Variants in KATNAL1 observed in about 807,000 individuals in gnomAD.
KATNAL1 encodes the protein katanin catalytic subunit A1 like 1.
Under a neutral mutation model 55.2 loss-of-function variants are expected in KATNAL1, and 32 were observed. The observed-to-expected ratio is 0.58, with a 90% confidence interval of 0.44 to 0.78. The LOEUF (loss-of-function observed/expected upper bound fraction) is 0.78. KATNAL1 is among the 30% of genes least tolerant of loss of function. The pLI, the probability that KATNAL1 is intolerant of heterozygous loss-of-function variation, is 0.00. For synonymous variants in KATNAL1, 193 were observed against 193.6 expected (o/e 1.00, Z 0.02); for missense variants, 466 against 600.9 (o/e 0.78, Z 2.35).
intron 3 of KATNAL1, among the ~76,000 whole-genome samples, chr13:30,259,677 C>T (rs77770859): frequency 2.6e-5 from 4 of 152,206 alleles, no homozygotes; most frequent in African/African-American, 7.2e-5. Flanking sequence ...TCTTAAAAAA[C>T]GCGGCACCAG....
chr13:30,289,991 C>T (rs376841815), intron 1 of KATNAL1, among the ~76,000 whole-genome samples: 1 of 152,160 alleles, frequency 6.6e-6, no homozygotes, highest in South Asian at 2.1e-4. Flanking sequence ...CCACATGTCA[C>T]AAAATAGTAT....
At chr13:30,295,127 T>C (rs1882395817) in intron 1 of KATNAL1, among the ~76,000 whole-genome samples, 2 of 152,228 alleles carry the variant, frequency 1.3e-5, no homozygotes, top group Non-Finnish European at 2.9e-5. Context: ...AAAGGAGTTA[T>C]TTCAACTTTC....
chr13:30,205,146 TA>T lies in KATNAL1; in HGVS notation c.*3393del, dbSNP rs930751516. The T allele has an allele frequency of 4.6e-5, 7 of 152,202 alleles. No homozygotes were observed. Among genetic ancestry groups the T allele is most frequent in the African/African-American group, 1.2e-4 (5 of 41,456 alleles). 9.4% of individuals were successfully genotyped at this position (152,202 alleles called of 1,614,324 possible). ...ATCAGTTCTAATTTCAAAACAGATT[TA>T]AAGTGCAAAAAATAGGGGAAAAAAA... On this transcript the variant is annotated 3_prime_UTR_variant, in exon 11 of 11. Coordinates refer to ENST00000380615, the MANE Select transcript of KATNAL1 (RefSeq NM_032116.5).
At chr13:30,268,598 A>C (rs1229833898) in intron 3 of KATNAL1, among the ~76,000 whole-genome samples, 1 of 152,210 alleles carries the variant, frequency 6.6e-6, no homozygotes, top group Non-Finnish European at 1.5e-5. Flanking sequence ...ACTATTACTA[A>C]TGTCATCTTC....
chr13:30,296,208 TG>T, intron 1 of KATNAL1: 1 of 800,524 alleles, frequency 1.2e-6, no homozygotes. Flanking sequence ...ACATCCATGG[TG>T]GATGGCGCCT....
At chr13:30,214,694 T>C (rs572907951) in intron 9 of KATNAL1, among the ~76,000 whole-genome samples, 3 of 152,198 alleles carry the variant, frequency 2.0e-5, no homozygotes, top group Admixed American at 2.0e-4. Flanking sequence ...ATTTAATAAA[T>C]GGTGCTGGGA....
intron 1 of KATNAL1, among the ~76,000 whole-genome samples, chr13:30,302,032 T>A (rs1055747835): frequency 2.6e-5 from 4 of 152,130 alleles, no homozygotes; most frequent in African/African-American, 9.7e-5. Context: ...CAGCCACGCC[T>A]GGCTAATTTT....
intron 3 of KATNAL1, among the ~76,000 whole-genome samples, chr13:30,262,998 G>A (rs1879436406): frequency 6.6e-6 from 1 of 152,186 alleles, no homozygotes; most frequent in South Asian, 2.1e-4. Context: ...GAATCCAGCA[G>A]TACATCTAAA....
intron 9 of KATNAL1, among the ~76,000 whole-genome samples, chr13:30,212,108 A>G (rs1014599312): frequency 3.3e-5 from 5 of 152,238 alleles, no homozygotes; most frequent in Admixed American, 2.0e-4. Flanking sequence ...TAAGTATTTT[A>G]TAACAGAGAA....
Position 30,283,631 on chromosome 13 carries a change from T to G in KATNAL1, c.147A>C (p.Lys49Asn). The change falls in exon 2 of 11, where the codon AAA becomes AAC. Residue 49 changes from lysine (K) to asparagine (N), a missense_variant. Around this residue, in one of 3 missense-constraint regions of KATNAL1, gnomAD observed 248 missense variants for 275.5 expected, o/e 0.90. Transcript: ENST00000380615. Reference sequence around the variant, plus strand: ...ACCATCTTACCTGTTGCCATTTGCCTTTGATAGCTGGATCTCTGACTGACT... The same window carrying G: ...ACCATCTTACCTGTTGCCATTTGCCGTTGATAGCTGGATCTCTGACTGACT... Reference protein sequence around the residue: ...HCQSVRDPAIKGKWQQVRQEL... With the variant: ...HCQSVRDPAINGKWQQVRQEL... 6.2e-7 allele frequency: 1 copy of G among 1,613,856 alleles called. No homozygotes were observed. Among genetic ancestry groups the G allele is most frequent in the Admixed American group, 1.7e-5 (1 of 60,026 alleles).
chr13:30,262,875 C>G (rs570261296), intron 3 of KATNAL1, among the ~76,000 whole-genome samples: 1 of 152,086 alleles, frequency 6.6e-6, no homozygotes, highest in Admixed American at 6.5e-5. Flanking sequence ...TTTATGAGGC[C>G]AGCATCATCC....
intron 3 of KATNAL1, among the ~76,000 whole-genome samples, chr13:30,260,976 C>T (rs374328027): frequency 1.3e-5 from 2 of 151,564 alleles, no homozygotes; most frequent in Non-Finnish European, 2.9e-5. Flanking sequence ...AGAGAAAGGT[C>T]GGGTTACCCA....
intron 1 of KATNAL1, chr13:30,296,747 G>C: frequency 2.0e-6 from 1 of 509,548 alleles, no homozygotes; most frequent in Admixed American, 2.2e-5. Context: ...CTGGCCAATG[G>C]ATAGTGAGCT....
chr13:30,297,961 A>T (rs1420131156), intron 1 of KATNAL1, among the ~76,000 whole-genome samples: 7 of 152,240 alleles, frequency 4.6e-5, no homozygotes, highest in Admixed American at 4.6e-4. Flanking sequence ...AAACCTCAGC[A>T]TCATGCAATA....
At chr13:30,274,923 A>ACG (rs1566122650) in intron 3 of KATNAL1, among the ~76,000 whole-genome samples, 1 of 149,206 alleles carries the variant, frequency 6.7e-6, no homozygotes, top group African/African-American at 2.5e-5. Context: ...ACACACACAC[A>ACG]CACACACACA....
intron 10 of KATNAL1, among the ~76,000 whole-genome samples, chr13:30,209,267 C>T (rs1220125015): frequency 6.6e-6 from 1 of 152,188 alleles, no homozygotes; most frequent in East Asian, 1.9e-4. Context: ...ATCCCATGTG[C>T]AGCTCTCTTT....
intron 9 of KATNAL1, among the ~76,000 whole-genome samples, chr13:30,227,160 A>G (rs1181343346): frequency 6.6e-6 from 1 of 152,240 alleles, no homozygotes; most frequent in East Asian, 1.9e-4. Flanking sequence ...ATCCAAAAAA[A>G]CTTCAAGTTG....
chr13:30,221,767 C>T (rs1253773448), intron 9 of KATNAL1, among the ~76,000 whole-genome samples: 2 of 152,166 alleles, frequency 1.3e-5, no homozygotes, highest in African/African-American at 4.8e-5. Context: ...AAAAATTATT[C>T]TGGGACTGGC....
intron 1 of KATNAL1, among the ~76,000 whole-genome samples, chr13:30,287,357 G>C (rs577927535): frequency 6.6e-6 from 1 of 152,314 alleles, no homozygotes; most frequent in South Asian, 2.1e-4. Context: ...CATGAGATCT[G>C]ATGGGTTTAT....
Sources: gnomAD v4.1 joint callset for allele counts (sites outside exome capture counted in the v4.1 genomes callset) on GRCh38, gnomAD v4.1.1 for gene constraint, gnomAD v4.1.1 regional missense constraint, MANE v1.5 for transcripts, NCBI Gene and HGNC (gene_info 2026-07-23, HGNC 2026-07-21) for gene names.